MAGI2: variants seen among roughly 807,000 people sequenced by gnomAD.
MAGI2 encodes the protein membrane associated guanylate kinase, WW and PDZ domain containing 2.
In MAGI2, 35 loss-of-function variants were observed where a neutral mutation model predicts 133.3. The ratio of observed to expected loss-of-function variants is 0.26; its 90% confidence interval spans 0.20 to 0.35. The LOEUF (loss-of-function observed/expected upper bound fraction) is 0.35, where lower values mean the gene tolerates loss of function less well. Ranked by LOEUF, MAGI2 falls within the 10% of genes least tolerant of loss-of-function variation. The pLI, the probability that MAGI2 is intolerant of heterozygous loss-of-function variation, is 1.00. For synonymous variants in MAGI2, 729 were observed against 710.6 expected, an observed-to-expected ratio of 1.03 and a Z score of -0.41; for missense variants, 1,636 against 1,863.4, an observed-to-expected ratio of 0.88 and a Z score of 2.25.
At chr7:78,685,570 T>C (rs1283522544) in intron 2 of MAGI2, among the ~76,000 whole-genome samples, 3 of 130,650 alleles carry the variant, frequency 2.3e-5, no homozygotes, top group Non-Finnish European at 5.1e-5. Context: ...TTCCAGTTTT[T>C]TTGCTTAAAC....
At chr7:79,127,936 T>A (rs1820576346) in intron 1 of MAGI2, among the ~76,000 whole-genome samples, 1 of 152,230 alleles carries the variant, frequency 6.6e-6, no homozygotes, top group African/African-American at 2.4e-5. Flanking sequence ...GTTTTAGGTC[T>A]AACATGAAAG....
chr7:79,339,464 G>GTTTTTTTTTTT (rs71095397), intron 1 of MAGI2, among the ~76,000 whole-genome samples: 1 of 134,552 alleles, frequency 7.4e-6, no homozygotes, highest in Non-Finnish European at 1.6e-5. Context: ...TTTTGTTTTT[G>GTTTTTTTTTTT]TTTTTTTTTT....
intron 1 of MAGI2, among the ~76,000 whole-genome samples, chr7:79,155,188 T>C (rs1823649691): frequency 6.6e-6 from 1 of 152,210 alleles, no homozygotes; most frequent in South Asian, 2.1e-4. Flanking sequence ...CTTTGTTCTA[T>C]GCTTTGCTTT....
At chr7:79,282,316 A>T (rs1528269) in intron 1 of MAGI2, among the ~76,000 whole-genome samples, 3 of 151,894 alleles carry the variant, frequency 2.0e-5, no homozygotes, top group Admixed American at 6.6e-5. Flanking sequence ...TTGCGTTTAT[A>T]GCCTCCAGAT....
At chr7:78,840,527 A>C (rs1792041480) in intron 2 of MAGI2, among the ~76,000 whole-genome samples, 1 of 152,026 alleles carries the variant, frequency 6.6e-6, no homozygotes. Flanking sequence ...ACCACACTTT[A>C]TGTGGAGTCC....
intron 1 of MAGI2, among the ~76,000 whole-genome samples, chr7:79,287,388 G>A (rs979919516): frequency 1.3e-5 from 2 of 152,026 alleles, no homozygotes; most frequent in African/African-American, 4.8e-5. Flanking sequence ...AAACAGTGTT[G>A]TCCAAATATA....
intron 6 of MAGI2, among the ~76,000 whole-genome samples, chr7:78,374,480 T>G (rs541833786): frequency 2.6e-5 from 4 of 152,314 alleles, no homozygotes; most frequent in Non-Finnish European, 4.4e-5. Context: ...ATAAATAGTT[T>G]GCAAATATTT....
At chr7:78,903,438 G>T (rs1338613987) in intron 2 of MAGI2, among the ~76,000 whole-genome samples, 1 of 151,534 alleles carries the variant, frequency 6.6e-6, no homozygotes, top group East Asian at 1.9e-4. Flanking sequence ...CTCGTGATCC[G>T]CCCGCCTCGG....
At chr7:78,618,460 A>G (rs560938511) in intron 3 of MAGI2, 1 of 152,126 alleles carries the variant, frequency 6.6e-6, no homozygotes, top group Non-Finnish European at 1.5e-5. Flanking sequence ...GTTTGAAAAT[A>G]TGCACCTAAT....
chr7:79,430,430 G>A (rs888254998), intron 1 of MAGI2, among the ~76,000 whole-genome samples: 4 of 152,102 alleles, frequency 2.6e-5, no homozygotes. Flanking sequence ...AATGAGTTAA[G>A]TTCTTATCAA....
At chr7:78,427,403 C>CA (rs1309886728) in intron 6 of MAGI2, among the ~76,000 whole-genome samples, 1 of 151,906 alleles carries the variant, frequency 6.6e-6, no homozygotes, top group African/African-American at 2.4e-5. Context: ...TAGAAAAAGA[C>CA]AAGTCATGCA....
chr7:78,709,130 C>T (rs893148451), intron 2 of MAGI2, among the ~76,000 whole-genome samples: 15 of 152,046 alleles, frequency 9.9e-5, no homozygotes, highest in African/African-American at 3.6e-4. Context: ...ATATTACTAC[C>T]TGTTTAAAAT....
chr7:78,526,230 T>C (rs1052799088), intron 3 of MAGI2, among the ~76,000 whole-genome samples: 1 of 152,234 alleles, frequency 6.6e-6, no homozygotes, highest in Admixed American at 6.5e-5. Context: ...GAGAACTTCA[T>C]TCAAAGCCAC....
At chr7:78,762,903 A>G (rs1219149303) in intron 2 of MAGI2, among the ~76,000 whole-genome samples, 1 of 152,210 alleles carries the variant, frequency 6.6e-6, no homozygotes, top group Non-Finnish European at 1.5e-5. Flanking sequence ...GGCATAAAAG[A>G]ACACAGTTTA....
At chr7:78,355,124 T>A (rs562132388) in intron 7 of MAGI2, among the ~76,000 whole-genome samples, 1 of 152,338 alleles carries the variant, frequency 6.6e-6, no homozygotes, top group Admixed American at 6.5e-5. Flanking sequence ...ATCAAAGCTT[T>A]GGACAAATGA....
chr7:78,921,128 T>G (rs1799189178), intron 2 of MAGI2, among the ~76,000 whole-genome samples: 1 of 139,332 alleles, frequency 7.2e-6, no homozygotes, highest in African/African-American at 2.5e-5. Context: ...TTCTTGGAGC[T>G]CCACATCTCT....
chr7:78,297,324 AAAC>A (rs1381488161), intron 9 of MAGI2, among the ~76,000 whole-genome samples: 2 of 152,010 alleles, frequency 1.3e-5, no homozygotes, highest in Non-Finnish European at 2.9e-5. Context: ...AAAAGTCAGG[AAAC>A]AACAGGTGCT....
chr7:78,298,757 G>GGCC (rs1797548687), intron 9 of MAGI2, among the ~76,000 whole-genome samples: 1 of 150,530 alleles, frequency 6.6e-6, no homozygotes, highest in African/African-American at 2.5e-5. Context: ...CACTCACCTT[G>GGCC]GCCTCCCAAA....
chr7:78,832,220 T>C (rs921585728), intron 2 of MAGI2, among the ~76,000 whole-genome samples: 3 of 152,134 alleles, frequency 2.0e-5, no homozygotes, highest in African/African-American at 7.2e-5. Flanking sequence ...ATTCTAAGAA[T>C]TGGTAGTTAA....
Sources: gnomAD v4.1 joint callset for allele counts (sites outside exome capture counted in the v4.1 genomes callset) on GRCh38, gnomAD v4.1.1 for gene constraint, MANE v1.5 for transcripts, NCBI Gene and HGNC (gene_info 2026-07-23, HGNC 2026-07-21) for gene names.